Variants in GRM5 observed in about 807,000 individuals in gnomAD.
GRM5 encodes the protein metabotropic glutamate receptor 5.
Under a neutral mutation model 83.1 loss-of-function variants are expected in GRM5, and 19 were observed. That is an observed-to-expected ratio of 0.23 (90% CI 0.16 to 0.34). GRM5 has a LOEUF of 0.34. Ranked by LOEUF, GRM5 falls within the 10% of genes least tolerant of loss-of-function variation. The pLI is 1.00. For synonymous variants in GRM5, 675 were observed against 633.6 expected (o/e 1.07, Z -0.98); for missense variants, 1,160 against 1,588.3 (o/e 0.73, Z 4.58).
rs138747746 is a variant in GRM5, at chr11:88,967,138, C to A, written c.661+80074G>T. ...ACACAGTGACAGACAATCCAAGAAG[C>A]CAAGCATAATGAATTCCTTAATAGC... On this transcript the variant is annotated intron_variant, in intron 2 of 9. Coordinates refer to ENST00000305447, the MANE Select transcript of GRM5 (RefSeq NM_001143831.3). Among the ~76,000 whole-genome samples, 1,477 of 151,282 alleles carry A rather than the reference C, an allele frequency of 9.8e-3. 23 individuals carry two copies. The highest frequency in any genetic ancestry group is 0.034 in the African/African-American group (1,412 of 41,272).
At chr11:89,019,895 A>G (rs367622517) in intron 2 of GRM5, among the ~76,000 whole-genome samples, 102 of 152,288 alleles carry the variant, frequency 6.7e-4, no homozygotes, top group Middle Eastern at 3.4e-3. Context: ...GAGATGTGAC[A>G]TGGCTCTGGA....
At chr11:88,574,985 C>CTTTT (rs796257304) in intron 7 of GRM5, among the ~76,000 whole-genome samples, 39 of 116,154 alleles carry the variant, frequency 3.4e-4, no homozygotes, top group African/African-American at 1.2e-3. Context: ...CTTTTCTTTT[C>CTTTT]TTTTTTTTTT....
At chr11:88,668,210 T>TCG (rs1554990662) in intron 3 of GRM5, among the ~76,000 whole-genome samples, 1 of 49,154 alleles carries the variant, frequency 2.0e-5, no homozygotes, top group Admixed American at 1.7e-4. Flanking sequence ...CTGCAGAAAC[T>TCG]CGCACACACA....
intron 8 of GRM5, among the ~76,000 whole-genome samples, chr11:88,536,275 C>T (rs749869456): frequency 6.6e-6 from 1 of 151,866 alleles, no homozygotes; most frequent in African/African-American, 2.4e-5. Flanking sequence ...AAGAAGGTGT[C>T]ACACACACAA....
chr11:88,861,843 T>C (rs2135551652), intron 2 of GRM5, among the ~76,000 whole-genome samples: 1 of 152,226 alleles, frequency 6.6e-6, no homozygotes. Context: ...TCCAATGTCA[T>C]AGGATATTGT....
At chr11:88,717,731 A>G (rs1409934405) in intron 3 of GRM5, among the ~76,000 whole-genome samples, 1 of 151,838 alleles carries the variant, frequency 6.6e-6, no homozygotes, top group Non-Finnish European at 1.5e-5. Flanking sequence ...TATCAAGGAA[A>G]TGTATATATA....
intron 3 of GRM5, among the ~76,000 whole-genome samples, chr11:88,674,871 C>A (rs1565181699): frequency 6.6e-6 from 1 of 151,898 alleles, no homozygotes; most frequent in Non-Finnish European, 1.5e-5. Context: ...TTAAATTTGG[C>A]TCTCTTTGTC....
chr11:88,655,138 C>T (rs1029170110), intron 3 of GRM5, among the ~76,000 whole-genome samples: 16 of 151,996 alleles, frequency 1.1e-4, no homozygotes, highest in African/African-American at 3.6e-4. Context: ...CAGATCAAGA[C>T]AAAAATATAG....
chr11:88,854,695 G>A (rs1467026677), intron 2 of GRM5, among the ~76,000 whole-genome samples: 1 of 151,856 alleles, frequency 6.6e-6, no homozygotes, highest in African/African-American at 2.4e-5. Flanking sequence ...TTCACATCTG[G>A]CTGATGGGTA....
chr11:88,885,782 C>T (rs191482079), intron 2 of GRM5, among the ~76,000 whole-genome samples: 2 of 152,054 alleles, frequency 1.3e-5, no homozygotes, highest in African/African-American at 4.8e-5. Flanking sequence ...GAAAAGCAGC[C>T]CCAAATCATT....
At chr11:88,635,034 G>C (rs1939080481) in intron 4 of GRM5, among the ~76,000 whole-genome samples, 1 of 152,146 alleles carries the variant, frequency 6.6e-6, no homozygotes, top group African/African-American at 2.4e-5. Context: ...AGGGCACGTG[G>C]ATATAAAAAT....
rs183283625 is a variant in GRM5 at position 89,029,292 on chromosome 11, A to T, written c.661+17920T>A. Among the ~76,000 whole-genome samples the T allele has an allele frequency of 1.7e-3, 252 of 152,312 alleles. 2 individuals are homozygous for T. Among genetic ancestry groups the T allele is most frequent in the African/African-American group, 5.3e-3 (220 of 41,584 alleles). ...TATCTGGTAGAAACACTGTTAAAAA[A>T]TTTTTTGGATTATTCTGTCAGTATA... On this transcript the variant is annotated intron_variant, in intron 2 of 9. Transcript: ENST00000305447.
intron 3 of GRM5, among the ~76,000 whole-genome samples, chr11:88,739,877 T>C (rs1315517453): frequency 6.6e-6 from 1 of 152,090 alleles, no homozygotes; most frequent in African/African-American, 2.4e-5. Flanking sequence ...CACTGGCTAA[T>C]TGTTTTACAG....
chr11:88,812,660 T>C (rs1303739094), intron 3 of GRM5, among the ~76,000 whole-genome samples: 1 of 152,168 alleles, frequency 6.6e-6, no homozygotes, highest in Non-Finnish European at 1.5e-5. Context: ...TGACACTGCC[T>C]CTCTGCCTTA....
At chr11:88,876,031 G>A (rs767141207) in intron 2 of GRM5, among the ~76,000 whole-genome samples, 47 of 151,978 alleles carry the variant, frequency 3.1e-4, no homozygotes, top group African/African-American at 1.0e-3. Flanking sequence ...AGAGTCAGCC[G>A]TCCTTTGAAG....
At chr11:88,693,137 A>G (rs991369050) in intron 3 of GRM5, among the ~76,000 whole-genome samples, 5 of 130,538 alleles carry the variant, frequency 3.8e-5, no homozygotes, top group African/African-American at 7.1e-5. Context: ...AAACAATTCA[A>G]TTCAATTCAA....
At chr11:88,862,282 C>G (rs1202859140) in intron 2 of GRM5, among the ~76,000 whole-genome samples, 1 of 152,094 alleles carries the variant, frequency 6.6e-6, no homozygotes, top group Admixed American at 6.6e-5. Context: ...TATATGTATT[C>G]TAAGAAACCT....
chr11:88,870,408 C>A (rs1944743952), intron 2 of GRM5, among the ~76,000 whole-genome samples: 1 of 150,678 alleles, frequency 6.6e-6, no homozygotes, highest in Non-Finnish European at 1.5e-5. Flanking sequence ...TGAGAGAGAT[C>A]CATTGAGAAG....
intron 3 of GRM5, among the ~76,000 whole-genome samples, chr11:88,664,883 C>G (rs1940001187): frequency 6.6e-6 from 1 of 152,046 alleles, no homozygotes; most frequent in Admixed American, 6.6e-5. Flanking sequence ...ATTTTAGAAT[C>G]CACTGAGGGT....
Sources: gnomAD v4.1 joint callset for allele counts (sites outside exome capture counted in the v4.1 genomes callset) on GRCh38, gnomAD v4.1.1 for gene constraint, MANE v1.5 for transcripts, NCBI Gene and HGNC (gene_info 2026-07-23, HGNC 2026-07-21) for gene names.